ZC2HC1A: variants seen among roughly 807,000 people sequenced by gnomAD.
The protein encoded by ZC2HC1A is zinc finger C2HC-type containing 1A.
A neutral mutation model predicts 40.7 loss-of-function variants in ZC2HC1A; 28 were observed. That is an observed-to-expected ratio of 0.69 (90% confidence interval 0.51 to 0.94). The LOEUF (loss-of-function observed/expected upper bound fraction) is 0.94, where lower values mean the gene tolerates loss of function less well. ZC2HC1A is among the 40% of genes least tolerant of loss of function. ZC2HC1A has a pLI of 0.00. For missense variants in ZC2HC1A, 389 were observed against 386.3 expected (o/e 1.01, Z -0.06); for synonymous variants, 129 against 129.2 (o/e 1.00, Z 0.01).
At position 78,711,706 on chromosome 8, in the gene ZC2HC1A, T is replaced by C. The variant is rs1300568242; in HGVS notation, c.705-3515T>C. ...GATTTTTTTTTTGAAATAGTTGTTC[T>C]TCCTAAGTTTCTTCATTGATTCCAT... is the stretch of plus-strand genomic sequence containing the variant. On this transcript the variant is annotated intron_variant, in intron 7 of 8. Coordinates refer to ENST00000263849, the MANE Select transcript of ZC2HC1A (RefSeq NM_016010.3). 2.0e-5 allele frequency among the ~76,000 whole-genome samples: 3 copies of C among 152,142 alleles called. No individual in the cohort carries two copies. In the South Asian group the frequency reaches 6.2e-4, roughly 31 times the overall value.
chr8:78,709,007 A>G (rs993578756), intron 7 of ZC2HC1A, among the ~76,000 whole-genome samples: 3 of 152,216 alleles, frequency 2.0e-5, no homozygotes, highest in Non-Finnish European at 4.4e-5. Context: ...TTAGAAATAC[A>G]GTGAAACACA....
Position 78,686,126 on chromosome 8 carries a change from C to G in ZC2HC1A, c.211-341C>G, listed in dbSNP as rs554331439. ...AATCACCTTTCAGATGTCCCCACCT[C>G]GTACTACTGTTATAATGGCAATTAC... On this transcript the variant is annotated intron_variant, in intron 3 of 8. Coordinates refer to ENST00000263849, the MANE Select transcript of ZC2HC1A (RefSeq NM_016010.3). Among the ~76,000 whole-genome samples, 29 of 152,276 alleles carry G rather than the reference C, an allele frequency of 1.9e-4. 1 individual carries two copies. The highest frequency in any genetic ancestry group is 1.5e-3 in the Admixed American group (23 of 15,278).
In ZC2HC1A at chr8:78,698,525, C is replaced by A. The variant is rs1305882677; in HGVS notation, c.704+12C>A. On this transcript the variant is annotated intron_variant, in intron 7 of 8. Transcript: ENST00000263849. ...GCCCCTCATGCAGGGTAAGTCTACA[C>A]TGGATATAATTATTAGTGGTATATA... 6.4e-7 allele frequency: 1 copy of A among 1,558,578 alleles called. No homozygotes were observed. The highest frequency in any genetic ancestry group is 1.2e-5 in the South Asian group (1 of 86,318).
intron 1 of ZC2HC1A, among the ~76,000 whole-genome samples, chr8:78,673,232 A>G (rs1809483900): frequency 6.6e-6 from 1 of 152,178 alleles, no homozygotes; most frequent in South Asian, 2.1e-4. Flanking sequence ...ATGTCCCTGC[A>G]AAGGACATGA....
rs539358457 is a variant in ZC2HC1A, at chr8:78,689,178, C to A, written c.353-44C>A. ...ACTTAAGATTTTTTAATGTCCGTTT[C>A]AAGTACTATGCTATTAATCTGTTTC... On this transcript the variant is annotated intron_variant, in intron 4 of 8. Coordinates refer to ENST00000263849, the MANE Select transcript of ZC2HC1A (RefSeq NM_016010.3). 15 of 1,344,688 alleles carry A rather than the reference C, an allele frequency of 1.1e-5. No homozygotes were observed. The South Asian group carries it at 2.7e-4, about 25-fold the overall frequency. 83.3% of individuals were successfully genotyped at this position (1,344,688 alleles called of 1,614,324 possible).
At chr8:78,714,648 A>T (rs1254736160) in intron 7 of ZC2HC1A, among the ~76,000 whole-genome samples, 1 of 152,172 alleles carries the variant, frequency 6.6e-6, no homozygotes, top group Non-Finnish European at 1.5e-5. Flanking sequence ...AGACTCATGG[A>T]TGATCCAACC....
chr8:78,672,236 T>G (rs1455614957), intron 1 of ZC2HC1A, among the ~76,000 whole-genome samples: 1 of 152,144 alleles, frequency 6.6e-6, no homozygotes, highest in African/African-American at 2.4e-5. Flanking sequence ...AAAAATTATT[T>G]TAGTAATAAA....
At chr8:78,694,261 A>T (rs1005862267) in intron 5 of ZC2HC1A, among the ~76,000 whole-genome samples, 1 of 150,096 alleles carries the variant, frequency 6.7e-6, no homozygotes, top group African/African-American at 2.4e-5. Flanking sequence ...AGCAATATCA[A>T]GTGACTTGTA....
intron 6 of ZC2HC1A, 103 bp downstream of exon 6, chr8:78,697,609 A>C: frequency 1.2e-6 from 1 of 802,782 alleles, no homozygotes; most frequent in South Asian, 1.8e-5. Context: ...TAGATTTATA[A>C]TTAAGAAGAG....
intron 1 of ZC2HC1A, among the ~76,000 whole-genome samples, chr8:78,673,697 C>T (rs897222298): frequency 6.6e-6 from 1 of 152,142 alleles, no homozygotes; most frequent in Non-Finnish European, 1.5e-5. Context: ...TAGAAGTTCC[C>T]TCCGTAGGTC....
At chr8:78,679,435 G>T (rs1027331605) in intron 3 of ZC2HC1A, 1 of 152,116 alleles carries the variant, frequency 6.6e-6, no homozygotes, top group African/African-American at 2.4e-5. Context: ...ATAATTTAAT[G>T]CTATGTAAAT....
At chr8:78,669,972 T>C (rs1333780953) in intron 1 of ZC2HC1A, among the ~76,000 whole-genome samples, 3 of 142,294 alleles carry the variant, frequency 2.1e-5, no homozygotes, top group Non-Finnish European at 4.6e-5. Context: ...TCTTTCTTTC[T>C]TTTTTTTTTT....
intron 5 of ZC2HC1A, 70 bp downstream of exon 5, chr8:78,689,443 G>T (rs1257006742): frequency 1.6e-5 from 23 of 1,400,916 alleles, no homozygotes; most frequent in Non-Finnish European, 2.2e-5. Context: ...TATTGTTTAT[G>T]CTTTTCATGA....
rs902335921 is a variant in ZC2HC1A at position 78,719,219 on chromosome 8, GTT to G, written c.*1732_*1733del. On this transcript the variant is annotated 3_prime_UTR_variant, in exon 9 of 9. Coordinates refer to ENST00000263849, the MANE Select transcript of ZC2HC1A (RefSeq NM_016010.3). ...CTTGTTTTATCTAATACTGAGCACT[GTT>G]TTTTTGTCAAGTATTTTTTTAAGAC... 3 of 100,842 alleles carry G rather than the reference GTT, an allele frequency of 3.0e-5. No homozygotes were observed. The highest frequency in any genetic ancestry group is 9.1e-5 in the African/African-American group (3 of 32,808). The allele number at this position is 100,842 out of a possible 1,614,324, so 6.2% of individuals were successfully genotyped here.
At chr8:78,675,304 A>G (rs1809545511) in intron 1 of ZC2HC1A, among the ~76,000 whole-genome samples, 1 of 151,954 alleles carries the variant, frequency 6.6e-6, no homozygotes, top group South Asian at 2.1e-4. Context: ...TCTTAATCTT[A>G]TAGCATTGTA....
chr8:78,704,039 T>C (rs1179435616), intron 7 of ZC2HC1A, among the ~76,000 whole-genome samples: 1 of 152,162 alleles, frequency 6.6e-6, no homozygotes. Context: ...CCTTCACTTA[T>C]GAAGCTTAGT....
At chr8:78,687,965 T>A (rs1249441396) in intron 4 of ZC2HC1A, among the ~76,000 whole-genome samples, 1 of 144,594 alleles carries the variant, frequency 6.9e-6, no homozygotes, top group Non-Finnish European at 1.5e-5. Flanking sequence ...TCTATATTTA[T>A]ATATAAATAT....
intron 7 of ZC2HC1A, among the ~76,000 whole-genome samples, chr8:78,714,979 A>G (rs1290464342): frequency 6.6e-6 from 1 of 152,212 alleles, no homozygotes; most frequent in African/African-American, 2.4e-5. Context: ...CATGTAAAGC[A>G]TATATACATA....
At chr8:78,694,400 C>T (rs116626636) in intron 5 of ZC2HC1A, among the ~76,000 whole-genome samples, 3,003 of 151,752 alleles carry the variant, frequency 0.02, 98 homozygotes, top group African/African-American at 0.069. Flanking sequence ...ATGCCTTCTT[C>T]CAGAGAAGAT....
Sources: allele counts gnomAD v4.1 joint callset (sites outside exome capture counted in the v4.1 genomes callset), GRCh38; gene constraint gnomAD v4.1.1; transcripts MANE v1.5; gene names NCBI Gene and HGNC (gene_info 2026-07-23, HGNC 2026-07-21).